LSS: variants seen among roughly 807,000 people sequenced by gnomAD.
LSS encodes lanosterol synthase.
In LSS, 90 loss-of-function variants were observed where a neutral mutation model predicts 110.3. The observed-to-expected ratio is 0.82, with a 90% CI of 0.69 to 0.97. LSS has a LOEUF of 0.97. Ranked by LOEUF, LSS falls within the 50% of genes least tolerant of loss-of-function variation. The pLI is 0.00. For missense variants in LSS, 927 were observed against 990.0 expected (o/e 0.94, Z 0.85); for synonymous variants, 433 against 400.0 (o/e 1.08, Z -0.98).
intron 8 of LSS, 126 bp downstream of exon 8, chr21:46,215,559 G>A (rs996468163): frequency 6.6e-5 from 45 of 684,834 alleles, no homozygotes; most frequent in African/African-American, 5.3e-4. Context: ...ATGAGATCCC[G>A]CCCCCTGGGG....
chr21:46,208,173 T>A, intron 14 of LSS, 78 bp downstream of exon 14: 1 of 1,395,228 alleles, frequency 7.2e-7, no homozygotes, highest in Non-Finnish European at 9.9e-7. Flanking sequence ...GAGCCCCCCC[T>A]TCAGAGGGAA....
chr21:46,208,321 A>T lies in LSS; in HGVS notation c.1267-20T>A. The T allele has an allele frequency of 1.3e-6, 2 of 1,551,160 alleles. No homozygotes were observed. Among genetic ancestry groups the T allele is most frequent in the Non-Finnish European group, 1.7e-6 (2 of 1,146,334 alleles). On this transcript the variant is annotated intron_variant, in intron 13 of 21. Coordinates refer to ENST00000397728, the MANE Select transcript of LSS (RefSeq NM_002340.6). ...TGGGACCTGGGCAGCATCGAGGGCA[A>T]ATGTGGAAGCAGAGAACACGTCACC...
At chr21:46,191,844 T>G in intron 21 of LSS, 37 bp downstream of exon 21, 1 of 1,575,906 alleles carries the variant, frequency 6.3e-7, no homozygotes, top group Non-Finnish European at 8.7e-7. Context: ...TGGAGGTCAG[T>G]GCTGGGCCTT....
At position 46,189,581 on chromosome 21, in the gene LSS, G is replaced by A. The variant is rs141111301; in HGVS notation, c.*1523C>T. The A allele has an allele frequency of 6.9e-4, 306 of 443,484 alleles. 1 individual carries two copies. The highest frequency in any genetic ancestry group is 5.5e-3 in the African/African-American group (276 of 49,942). 27.5% of individuals were successfully genotyped at this position (443,484 alleles called of 1,614,324 possible). On this transcript the variant is annotated 3_prime_UTR_variant, in exon 22 of 22. Coordinates refer to ENST00000397728, the MANE Select transcript of LSS (RefSeq NM_002340.6). Reference sequence around the variant, plus strand: ...AGACCCCAGAGGGTGCGGCACCTGGGTGAGAGCCCTGGACTGCACACCAAG... The same window carrying A: ...AGACCCCAGAGGGTGCGGCACCTGGATGAGAGCCCTGGACTGCACACCAAG...
At chr21:46,213,444 C>G (rs2080159537) in intron 10 of LSS, among the ~76,000 whole-genome samples, 1 of 152,150 alleles carries the variant, frequency 6.6e-6, no homozygotes, top group Admixed American at 6.5e-5. Context: ...CCATGGCTGA[C>G]AAGCTCCCCT....
chr21:46,222,678 A>G lies in LSS; in HGVS notation c.380T>C (p.Ile127Thr). 2.5e-6 allele frequency: 4 copies of G among 1,613,896 alleles called. No homozygotes were observed. The highest frequency in any genetic ancestry group is 1.7e-5 in the Admixed American group (1 of 60,028). Residue 127 changes from isoleucine (I) to threonine (T), a missense_variant, in exon 4 of 22, where the codon ATT becomes ACT. By Grantham distance (89) the Ile-to-Thr change is moderately conservative. Transcript: ENST00000397728. ...CTGCACTGACCGCAGGTACCGCACA[A>G]TCTCTTCTCTGTATCCGGCTGGCAG... is the stretch of plus-strand genomic sequence containing the variant. ...IPLPAGYREE[I>T]VRYLRSVQLP...
intron 17 of LSS, among the ~76,000 whole-genome samples, chr21:46,200,812 T>C (rs2079968714): frequency 6.6e-6 from 1 of 152,238 alleles, no homozygotes; most frequent in Non-Finnish European, 1.5e-5. Flanking sequence ...GATTTTGCCA[T>C]AAAGGACATT....
At position 46,216,656 on chromosome 21, in the gene LSS, C is replaced by T. The variant is rs987636045; in HGVS notation, c.648-132G>A. The T allele has an allele frequency of 1.0e-5, 12 of 1,200,008 alleles. No homozygotes were observed. The highest frequency in any genetic ancestry group is 2.9e-4 in the Middle Eastern group (1 of 3,452). 74.3% of individuals were successfully genotyped at this position (1,200,008 alleles called of 1,614,324 possible). A position where few individuals can be genotyped will look rare whatever the true frequency, so the allele number is the denominator to read the frequency against. ...ATTCCCCACCACGTCAGTGCATCTG[C>T]GGGCATTTCCCAACCGTGCTCCTGA... is the stretch of plus-strand genomic sequence containing the variant. On this transcript the variant is annotated intron_variant, in intron 6 of 21. Transcript: ENST00000397728. The surrounding 1 kb of genome is among the most constrained non-coding windows in gnomAD (Gnocchi z 4.2).
At chr21:46,214,431 G>A (rs375904488) in intron 9 of LSS, among the ~76,000 whole-genome samples, 25 of 152,352 alleles carry the variant, frequency 1.6e-4, no homozygotes, top group East Asian at 9.6e-4. Context: ...CCGCTGCAGG[G>A]TCAGTCAGGA....
At chr21:46,210,153 A>G (rs911053099) in intron 12 of LSS, among the ~76,000 whole-genome samples, 1 of 123,860 alleles carries the variant, frequency 8.1e-6, no homozygotes. Context: ...TGCACCCTCC[A>G]CTTCCCGGGT....
At position 46,213,728 on chromosome 21, in the gene LSS, C is replaced by T. The variant is rs1218835203; in HGVS notation, c.1109+10G>A. On this transcript the variant is annotated intron_variant, in intron 10 of 21. Coordinates refer to ENST00000397728, the MANE Select transcript of LSS (RefSeq NM_002340.6). ...GAGAGGCCCCGCCAGCATATCCCAG[C>T]CACACTCACCAGAGATAGTCCGGGA... 1.2e-6 allele frequency: 2 copies of T among 1,611,216 alleles called. No homozygotes were observed. Among genetic ancestry groups the T allele is most frequent in the South Asian group, 1.1e-5 (1 of 90,552 alleles).
intron 15 of LSS, 117 bp from the exon 16 acceptor site, chr21:46,206,885 CAG>C (rs1569025245): frequency 2.4e-5 from 18 of 761,662 alleles, no homozygotes; most frequent in Non-Finnish European, 2.3e-5. Flanking sequence ...GGGGCAGGAA[CAG>C]GGGGCGGAGA....
chr21:46,216,087 G>A lies in LSS; in HGVS notation c.784-294C>T, dbSNP rs566924983. On this transcript the variant is annotated intron_variant, in intron 7 of 21. Coordinates refer to ENST00000397728, the MANE Select transcript of LSS (RefSeq NM_002340.6). The surrounding 1 kb of genome is among the most constrained non-coding windows in gnomAD (Gnocchi z 4.2). ...ATAAACATCCTGCACCTCAAACCTC[G>A]CCTCAGGCCTGCTTCCAGAGGACAC... Among the ~76,000 whole-genome samples the A allele has an allele frequency of 3.4e-4, 52 of 152,048 alleles. No individual in the cohort carries two copies. Among genetic ancestry groups the A allele is most frequent in the Non-Finnish European group, 6.2e-4 (42 of 67,986 alleles).
At chr21:46,197,466 C>A (rs968589054) in intron 17 of LSS, among the ~76,000 whole-genome samples, 11 of 152,314 alleles carry the variant, frequency 7.2e-5, no homozygotes, top group Admixed American at 2.0e-4. Context: ...TAATCTCACA[C>A]AAACTCTTCC....
In LSS at chr21:46,225,199, C is replaced by T. The variant is rs565590368; in HGVS notation, c.319+2353G>A. ...TTTATTCCAATATTATAATAATCCT[C>T]GCTCTACAATCATAACCTAGGAAAA... On this transcript the variant is annotated intron_variant, in intron 3 of 21. Transcript: ENST00000397728. The T allele has an allele frequency of 6.3e-3, 1,358 of 215,244 alleles. 16 individuals carry two copies. Among genetic ancestry groups the T allele is most frequent in the African/African-American group, 0.029 (1,289 of 44,100 alleles). 13.3% of individuals were successfully genotyped at this position (215,244 alleles called of 1,614,324 possible).
rs777999562 is a variant in LSS, at chr21:46,219,612, G to C, written c.551-40C>G. The C allele has an allele frequency of 1.4e-5, 18 of 1,309,036 alleles. No individual in the cohort carries two copies. The Admixed American group carries it at 2.5e-4, about 18-fold the overall frequency. 81.1% of individuals were successfully genotyped at this position (1,309,036 alleles called of 1,614,324 possible). ...AATAGGCCCACGTCATCTGCTTCCT[G>C]TCAGCAAAGTCTGCACTGCCTCTAG... is the stretch of plus-strand genomic sequence containing the variant. On this transcript the variant is annotated intron_variant, in intron 5 of 21. Coordinates refer to ENST00000397728, the MANE Select transcript of LSS (RefSeq NM_002340.6).
Position 46,190,006 on chromosome 21 carries a change from C to T in LSS, c.*1098G>A, listed in dbSNP as rs1276424523. ...AGCTCACAGGATTGCCTGGGGAAGC[C>T]TCGGCCCAAAACCTGGCCCTCGCTC... On this transcript the variant is annotated 3_prime_UTR_variant, in exon 22 of 22. Coordinates refer to ENST00000397728, the MANE Select transcript of LSS (RefSeq NM_002340.6). The surrounding 1 kb of genome is among the most constrained non-coding windows in gnomAD (Gnocchi z 4.6). 2 of 291,318 alleles carry T rather than the reference C, an allele frequency of 6.9e-6. No homozygotes were observed. Among genetic ancestry groups the T allele is most frequent in the Non-Finnish European group, 1.3e-5 (2 of 149,138 alleles). The allele number at this position is 291,318 out of a possible 1,614,324, so 18.0% of individuals were successfully genotyped here. A position where few individuals can be genotyped will look rare whatever the true frequency, so the allele number is the denominator to read the frequency against.
chr21:46,194,504 G>A lies in LSS; in HGVS notation c.1975C>T (p.Leu659=), dbSNP rs764802181. 9.3e-6 allele frequency: 15 copies of A among 1,613,532 alleles called. No homozygotes were observed. The highest frequency in any genetic ancestry group is 2.2e-5 in the South Asian group (2 of 91,076). Residue 659 remains leucine, a synonymous_variant, in exon 20 of 22, where the codon CTG becomes TTG. Transcript: ENST00000397728. ...CGTCGTCCCCACCGAACGGCCATCA[G>A]CCCCATCATGGCCCAGCATGTGTTA... The part of the protein sequence containing the change: ...IHNTCWAMMG[L]MAVRHPDIEA...
At chr21:46,191,763 A>T in intron 21 of LSS, 118 bp downstream of exon 21, 1 of 810,072 alleles carries the variant, frequency 1.2e-6, no homozygotes, top group Non-Finnish European at 2.0e-6. Flanking sequence ...GGCAGAGGTG[A>T]CGCCTCCCAA....
Sources: gnomAD v4.1 joint callset for allele counts (sites outside exome capture counted in the v4.1 genomes callset) on GRCh38, gnomAD v4.1.1 for gene constraint, Gnocchi (gnomAD v3.1) non-coding constraint, MANE v1.5 for transcripts, NCBI Gene and HGNC (gene_info 2026-07-23, HGNC 2026-07-21) for gene names.